Variants in SIPA1L1 observed in about 807,000 individuals in gnomAD.
SIPA1L1 encodes the protein signal-induced proliferation-associated 1-like protein 1.
A neutral mutation model predicts 162.7 loss-of-function variants in SIPA1L1; 26 were observed. The ratio of observed to expected loss-of-function variants is 0.16; its 90% CI spans 0.12 to 0.22. The LOEUF is 0.22. SIPA1L1 is among the 10% of genes least tolerant of loss of function. The pLI is 1.00. For synonymous variants in SIPA1L1, 829 were observed against 837.4 expected (o/e 0.99, Z 0.17); for missense variants, 1,874 against 2,241.0 (o/e 0.84, Z 3.31).
chr14:71,561,486 G>C (rs1273866890), intron 4 of SIPA1L1, among the ~76,000 whole-genome samples: 1 of 152,126 alleles, frequency 6.6e-6, no homozygotes, highest in African/African-American at 2.4e-5. Flanking sequence ...AAGTTTTTCT[G>C]TCAATTTCCC....
At chr14:71,519,829 G>A (rs2052124532) in intron 3 of SIPA1L1, among the ~76,000 whole-genome samples, 1 of 150,700 alleles carries the variant, frequency 6.6e-6, no homozygotes, top group African/African-American at 2.4e-5. Context: ...AGTCTCTTAT[G>A]GAAAAAAAAG....
intron 2 of SIPA1L1, among the ~76,000 whole-genome samples, chr14:71,382,145 C>T (rs1164399244): frequency 1.3e-5 from 2 of 152,154 alleles, no homozygotes; most frequent in East Asian, 1.9e-4. Flanking sequence ...TCAAGTAATA[C>T]TTAGCAATAA....
chr14:71,443,296 T>C (rs2045061339), intron 2 of SIPA1L1, among the ~76,000 whole-genome samples: 1 of 152,172 alleles, frequency 6.6e-6, no homozygotes, highest in African/African-American at 2.4e-5. Context: ...AAGACTTTAG[T>C]GATATTCTAG....
intron 4 of SIPA1L1, among the ~76,000 whole-genome samples, chr14:71,543,842 G>A (rs1474947891): frequency 2.1e-5 from 3 of 144,138 alleles, no homozygotes; most frequent in African/African-American, 5.2e-5. Context: ...TATATCATAT[G>A]TATGTGTATA....
intron 19 of SIPA1L1, among the ~76,000 whole-genome samples, chr14:71,725,047 A>G (rs1003993228): frequency 1.3e-5 from 2 of 152,148 alleles, no homozygotes; most frequent in South Asian, 2.1e-4. Context: ...CATGGTTTCT[A>G]TTACCTGGTC....
At chr14:71,516,955 A>G (rs905402216) in intron 3 of SIPA1L1, among the ~76,000 whole-genome samples, 10 of 152,254 alleles carry the variant, frequency 6.6e-5, no homozygotes, top group African/African-American at 2.2e-4. Flanking sequence ...CTGGGGCAAC[A>G]GAACGAGACT....
intron 3 of SIPA1L1, among the ~76,000 whole-genome samples, chr14:71,525,161 A>G (rs2052733188): frequency 6.7e-6 from 1 of 150,370 alleles, no homozygotes; most frequent in Non-Finnish European, 1.5e-5. Context: ...TTTTGTAGAG[A>G]TGGGGTTTTG....
At chr14:71,616,866 G>A (rs2148453195) in intron 5 of SIPA1L1, among the ~76,000 whole-genome samples, 1 of 152,290 alleles carries the variant, frequency 6.6e-6, no homozygotes, top group East Asian at 1.9e-4. Context: ...TGAATTTATA[G>A]TGGCCCTATA....
chr14:71,657,110 G>A (rs562786689), intron 8 of SIPA1L1, among the ~76,000 whole-genome samples: 1 of 152,260 alleles, frequency 6.6e-6, no homozygotes, highest in African/African-American at 2.4e-5. Flanking sequence ...AGCACTTTGG[G>A]AGGCCAAGGT....
rs149959024 is a variant in SIPA1L1, at chr14:71,462,406, G to A, written c.-464-50337G>A. On this transcript the variant is annotated intron_variant, in intron 2 of 23. Coordinates refer to ENST00000381232, the MANE Select transcript of SIPA1L1 (RefSeq NM_001386936.1). ...TGGACCTGTTGCAGAGCCTTCTCCT[G>A]TTCTGGACCCCACTCAAAACTGGCA... Among the ~76,000 whole-genome samples the A allele has an allele frequency of 1.2e-3, 185 of 152,294 alleles. 1 individual carries two copies. In the East Asian group the frequency reaches 0.032, roughly 27 times the overall value.
At chr14:71,504,524 A>T (rs1482416023) in intron 2 of SIPA1L1, among the ~76,000 whole-genome samples, 1 of 152,202 alleles carries the variant, frequency 6.6e-6, no homozygotes, top group East Asian at 1.9e-4. Flanking sequence ...AAAAGATACC[A>T]TATTTTTAAA....
At chr14:71,599,096 A>T (rs1485493043) in intron 5 of SIPA1L1, among the ~76,000 whole-genome samples, 1 of 150,390 alleles carries the variant, frequency 6.6e-6, no homozygotes, top group East Asian at 1.9e-4. Flanking sequence ...ACTTAACATA[A>T]TGATCTGCAG....
At chr14:71,671,787 A>T in intron 11 of SIPA1L1, 95 bp downstream of exon 11, 1 of 887,484 alleles carries the variant, frequency 1.1e-6, no homozygotes, top group East Asian at 2.6e-5. Context: ...GTGCTCTGTT[A>T]TTAGCTCCTC....
chr14:71,525,377 G>C (rs1318025105), intron 3 of SIPA1L1, among the ~76,000 whole-genome samples: 3 of 152,040 alleles, frequency 2.0e-5, no homozygotes, highest in Non-Finnish European at 4.4e-5. Context: ...TAGAGACAGG[G>C]TTTCACTGTG....
chr14:71,680,602 G>C (rs950216196), intron 12 of SIPA1L1, among the ~76,000 whole-genome samples: 1 of 152,148 alleles, frequency 6.6e-6, no homozygotes, highest in African/African-American at 2.4e-5. Context: ...GAAGGAGATA[G>C]AGACACAAAA....
At chr14:71,439,903 G>T (rs538281380) in intron 2 of SIPA1L1, among the ~76,000 whole-genome samples, 1 of 152,252 alleles carries the variant, frequency 6.6e-6, no homozygotes, top group East Asian at 1.9e-4. Context: ...TGATTTGGTT[G>T]ACTTATTTTT....
At chr14:71,342,204 T>A (rs964859608) in intron 2 of SIPA1L1, among the ~76,000 whole-genome samples, 1 of 152,064 alleles carries the variant, frequency 6.6e-6, no homozygotes, top group Non-Finnish European at 1.5e-5. Context: ...GGGTTTTGCC[T>A]TGTTGCCCAG....
chr14:71,692,258 T>C (rs376460961), intron 13 of SIPA1L1, among the ~76,000 whole-genome samples: 49 of 152,332 alleles, frequency 3.2e-4, no homozygotes, highest in Admixed American at 1.1e-3. Flanking sequence ...GCATTAAACA[T>C]AGATATAAGT....
At chr14:71,531,166 A>G (rs981790680) in intron 4 of SIPA1L1, among the ~76,000 whole-genome samples, 3 of 152,206 alleles carry the variant, frequency 2.0e-5, no homozygotes, top group Non-Finnish European at 4.4e-5. Flanking sequence ...CAATTGTGTC[A>G]TTAATGAGGT....
Sources: gnomAD v4.1 joint callset for allele counts (sites outside exome capture counted in the v4.1 genomes callset) on GRCh38, gnomAD v4.1.1 for gene constraint, MANE v1.5 for transcripts, NCBI Gene and HGNC (gene_info 2026-07-23, HGNC 2026-07-21) for gene names.